Variants in CEP128 observed in about 807,000 individuals in gnomAD.
The protein encoded by CEP128 is centrosomal protein 128kDa.
In CEP128, 132 loss-of-function variants were observed where a neutral mutation model predicts 156.7. The ratio of observed to expected loss-of-function variants is 0.84; its 90% CI spans 0.73 to 0.97. The LOEUF is 0.97. Among genes scored for constraint, CEP128 ranks in the 50% least tolerant of loss-of-function variants. The pLI is 0.00. For synonymous variants in CEP128, 469 were observed against 448.9 expected (o/e 1.04, Z -0.57); for missense variants, 1,252 against 1,281.9 (o/e 0.98, Z 0.36).
intron 20 of CEP128, among the ~76,000 whole-genome samples, chr14:80,573,079 C>A (rs985184915): frequency 6.9e-6 from 1 of 145,768 alleles, no homozygotes; most frequent in African/African-American, 2.6e-5. Flanking sequence ...TGGGCTACCA[C>A]GCCTGACTAA....
At chr14:80,795,561 C>A (rs1056915870) in intron 13 of CEP128, among the ~76,000 whole-genome samples, 26 of 152,172 alleles carry the variant, frequency 1.7e-4, no homozygotes, top group South Asian at 4.1e-4. Context: ...CAGGTTGAGT[C>A]CTGTAAGAAA....
intron 19 of CEP128, among the ~76,000 whole-genome samples, chr14:80,638,166 CT>C (rs1360703919): frequency 1.3e-5 from 2 of 152,186 alleles, no homozygotes; most frequent in Non-Finnish European, 2.9e-5. Context: ...CTTCTTCCTT[CT>C]CTTCATATTT....
chr14:80,530,990 AACTGT>A, intron 21 of CEP128, 104 bp from the exon 22 acceptor site: 1 of 559,766 alleles, frequency 1.8e-6, no homozygotes. Context: ...AAGCAGTTCA[AACTGT>A]AGATTTAGAC....
At chr14:80,760,767 T>C (rs1009228371) in intron 17 of CEP128, among the ~76,000 whole-genome samples, 1 of 152,158 alleles carries the variant, frequency 6.6e-6, no homozygotes, top group African/African-American at 2.4e-5. Flanking sequence ...CTGTGTTTAT[T>C]TATCATTTTA....
chr14:80,696,314 C>A (rs1307816374), intron 19 of CEP128, among the ~76,000 whole-genome samples: 3 of 152,108 alleles, frequency 2.0e-5, no homozygotes, highest in Admixed American at 6.5e-5. Context: ...GATATCCAAG[C>A]AAACATATTT....
At chr14:80,702,731 A>T (rs1355388965) in intron 19 of CEP128, among the ~76,000 whole-genome samples, 1 of 152,140 alleles carries the variant, frequency 6.6e-6, no homozygotes, top group African/African-American at 2.4e-5. Context: ...TTTAAAGTGC[A>T]TGTTTTTAAC....
intron 19 of CEP128, among the ~76,000 whole-genome samples, chr14:80,621,289 G>A (rs1893468053): frequency 6.6e-6 from 1 of 152,040 alleles, no homozygotes; most frequent in South Asian, 2.1e-4. Flanking sequence ...TCAAGAACAG[G>A]CTAAATTAGT....
intron 19 of CEP128, among the ~76,000 whole-genome samples, chr14:80,655,279 A>G (rs1052941194): frequency 6.6e-6 from 1 of 152,152 alleles, no homozygotes; most frequent in Admixed American, 6.5e-5. Context: ...TATCCATCCA[A>G]TCTCTTCATG....
At chr14:80,719,656 G>A (rs1320936568) in intron 19 of CEP128, among the ~76,000 whole-genome samples, 1 of 152,152 alleles carries the variant, frequency 6.6e-6, no homozygotes, top group African/African-American at 2.4e-5. Flanking sequence ...GAATTCATTA[G>A]AAGAAAGAGG....
chr14:80,805,119 T>G (rs1159631760), intron 13 of CEP128, among the ~76,000 whole-genome samples: 1 of 152,216 alleles, frequency 6.6e-6, no homozygotes, highest in South Asian at 2.1e-4. Context: ...CTTGAGGTTT[T>G]GGGATAAACC....
chr14:80,591,790 A>G (rs1892081906), intron 19 of CEP128, among the ~76,000 whole-genome samples: 1 of 152,208 alleles, frequency 6.6e-6, no homozygotes, highest in African/African-American at 2.4e-5. Context: ...AAATAATGGA[A>G]ATCATAACAA....
At chr14:80,937,284 G>C (rs182344047) in intron 2 of CEP128, among the ~76,000 whole-genome samples, 128 of 152,326 alleles carry the variant, frequency 8.4e-4, no homozygotes, top group African/African-American at 2.8e-3. Flanking sequence ...TAGCACCACT[G>C]CACTTCAGCC....
intron 19 of CEP128, among the ~76,000 whole-genome samples, chr14:80,610,408 A>T (rs749717106): frequency 3.3e-5 from 5 of 152,164 alleles, no homozygotes; most frequent in Non-Finnish European, 5.9e-5. Flanking sequence ...AGAGACATAG[A>T]TTGCTAAGTG....
intron 19 of CEP128, among the ~76,000 whole-genome samples, chr14:80,706,294 C>A (rs1269618385): frequency 6.6e-6 from 1 of 152,034 alleles, no homozygotes; most frequent in Non-Finnish European, 1.5e-5. Context: ...CAAAGAGATC[C>A]CTGTACACTT....
At chr14:80,838,976 G>A (rs186553565) in intron 10 of CEP128, among the ~76,000 whole-genome samples, 6 of 152,194 alleles carry the variant, frequency 3.9e-5, no homozygotes, top group South Asian at 2.1e-4. Context: ...GCAGACACCC[G>A]TAATCCCAGC....
intron 13 of CEP128, among the ~76,000 whole-genome samples, chr14:80,820,965 AAC>A (rs1885133316): frequency 6.6e-6 from 1 of 152,086 alleles, no homozygotes; most frequent in South Asian, 2.1e-4. Flanking sequence ...CTAGAAATTA[AAC>A]ACATTTAATG....
intron 23 of CEP128, among the ~76,000 whole-genome samples, chr14:80,508,233 G>A (rs544393391): frequency 1.0e-3 from 152 of 152,260 alleles, no homozygotes; most frequent in African/African-American, 3.5e-3. Context: ...AATTTTTAAT[G>A]ATGAAGCCAG....
chr14:80,838,052 T>C, intron 11 of CEP128, 152 bp downstream of exon 11: 2 of 552,916 alleles, frequency 3.6e-6, no homozygotes, highest in Non-Finnish European at 6.4e-6. Context: ...GAAAGAATTT[T>C]ATCCTTTGCT....
intron 8 of CEP128, among the ~76,000 whole-genome samples, chr14:80,869,142 C>T (rs1887911369): frequency 6.6e-6 from 1 of 151,902 alleles, no homozygotes; most frequent in African/African-American, 2.4e-5. Flanking sequence ...CAAACATATA[C>T]AGAACATTCC....
Sources: allele counts gnomAD v4.1 joint callset (sites outside exome capture counted in the v4.1 genomes callset), GRCh38; gene constraint gnomAD v4.1.1; transcripts MANE v1.5; gene names NCBI Gene and HGNC (gene_info 2026-07-23, HGNC 2026-07-21).